Variants in IL13RA1 observed in about 807,000 individuals in gnomAD.
IL13RA1 encodes the protein interleukin 13 receptor subunit alpha 1.
A neutral mutation model predicts 33.8 loss-of-function variants in IL13RA1; 14 were observed. The observed-to-expected ratio is 0.41, with a 90% CI of 0.27 to 0.65. The LOEUF is 0.65. Ranked by LOEUF, IL13RA1 falls within the 30% of genes least tolerant of loss-of-function variation. The pLI is 0.28. For synonymous variants in IL13RA1, 116 were observed against 115.7 expected (o/e 1.00, Z -0.02); for missense variants, 313 against 327.0 (o/e 0.96, Z 0.33).
the IL13RA1 span, among the ~76,000 whole-genome samples, chrX:118,800,297 A>G: frequency 3.7e-5 from 4 of 107,847 alleles, no homozygotes; most frequent in Non-Finnish European, 5.8e-5. Context: ...CACTTCTTTC[A>G]CTCTTTGCAA....
In IL13RA1 at chrX:118,738,401, GTC is replaced by G. The variant is rs1166020601; in HGVS notation, c.89-2614_89-2613del. Among the ~76,000 whole-genome samples the G allele has an allele frequency of 2.0e-3, 225 of 111,266 alleles. 3 individuals carry two copies. Among genetic ancestry groups the G allele is most frequent in the African/African-American group, 7.2e-3 (219 of 30,615 alleles). Reference sequence around the variant, plus strand: ...CCTCCCTTGTCTAGTGATCCCCAGTGTCTATCATTTCCATCTTTATGATCATG... The same window carrying G: ...CCTCCCTTGTCTAGTGATCCCCAGTGTATCATTTCCATCTTTATGATCATG... On this transcript the variant is annotated intron_variant, in intron 1 of 10. Transcript: ENST00000371666.
downstream of IL13RA1, among the ~76,000 whole-genome samples, chrX:118,799,526 ACT>A (rs1328638371): frequency 2.5e-4 from 28 of 110,536 alleles, no homozygotes; most frequent in African/African-American, 7.9e-4. Context: ...ACCAATCGAC[ACT>A]CTGTATCTAG....
At chrX:118,746,667 G>T (rs1167734689) in intron 2 of IL13RA1, among the ~76,000 whole-genome samples, 1 of 110,312 alleles carries the variant, frequency 9.1e-6, no homozygotes. Context: ...TGTAGGAGGA[G>T]GGGGGCTGTT....
Position 118,729,897 on chromosome X carries a change from G to T in IL13RA1, c.88+2171G>T, listed in dbSNP as rs193103461. 6.2e-5 allele frequency among the ~76,000 whole-genome samples: 7 copies of T among 112,213 alleles called. No individual in the cohort carries two copies. The East Asian group carries it at 1.7e-3, about 27-fold the overall frequency. ...CATGCCCTTAACCACTGTACTCATT[G>T]CTTCTGCCCAGCAGAAAAGACGAGA... is the stretch of plus-strand genomic sequence containing the variant. On this transcript the variant is annotated intron_variant, in intron 1 of 10. Transcript: ENST00000371666.
intron 10 of IL13RA1, among the ~76,000 whole-genome samples, chrX:118,790,769 C>A (rs1221170519): frequency 1.8e-5 from 2 of 112,043 alleles, no homozygotes; most frequent in Non-Finnish European, 3.8e-5. Context: ...TTAACTTGCC[C>A]AGTCCATCTT....
intron 4 of IL13RA1, among the ~76,000 whole-genome samples, chrX:118,751,086 T>A (rs1270469803): frequency 8.9e-6 from 1 of 112,047 alleles, no homozygotes; most frequent in Non-Finnish European, 1.9e-5. Flanking sequence ...GGATTACAGG[T>A]GTGAGCCACC....
At chrX:118,760,049 A>C (rs887093367) in intron 5 of IL13RA1, among the ~76,000 whole-genome samples, 2 of 112,206 alleles carry the variant, frequency 1.8e-5, no homozygotes, top group Non-Finnish European at 3.8e-5. Context: ...TTTACTCTTA[A>C]TTGTGGTTAT....
chrX:118,758,734 A>C (rs2017560123), intron 5 of IL13RA1: 1 of 111,930 alleles, frequency 8.9e-6, no homozygotes. Context: ...GGAGTTGAGC[A>C]TGCTAGCTCA....
intron 1 of IL13RA1, among the ~76,000 whole-genome samples, chrX:118,739,276 A>C (rs2017316894): frequency 8.9e-6 from 1 of 112,101 alleles, no homozygotes; most frequent in Non-Finnish European, 1.9e-5. Context: ...CTGACCAAGT[A>C]GCTGCTATGT....
At chrX:118,754,931 GTCTT>G (rs2017510812) in intron 4 of IL13RA1, among the ~76,000 whole-genome samples, 1 of 103,577 alleles carries the variant, frequency 9.7e-6, no homozygotes, top group South Asian at 4.4e-4. Flanking sequence ...AAAATACGGA[GTCTT>G]TCTTTTTTTT....
chrX:118,757,319 G>C (rs181426552), intron 4 of IL13RA1, among the ~76,000 whole-genome samples: 1 of 110,482 alleles, frequency 9.1e-6, no homozygotes, highest in African/African-American at 3.3e-5. Context: ...ATCACTTGTG[G>C]TCAGGAGTTC....
chrX:118,751,900 C>CAAA (rs34902050), intron 4 of IL13RA1, among the ~76,000 whole-genome samples: 9,790 of 48,704 alleles, frequency 0.2, 860 homozygotes, highest in East Asian at 0.41. Flanking sequence ...GAATAGAATG[C>CAAA]AAAAAAAAAA....
chrX:118,746,335 G>C (rs1002801019), intron 2 of IL13RA1, among the ~76,000 whole-genome samples: 1 of 110,625 alleles, frequency 9.0e-6, no homozygotes, highest in African/African-American at 3.3e-5. Flanking sequence ...GGCTGGTCTC[G>C]AACTCCTGGG....
At chrX:118,751,380 A>G (rs915859506) in intron 4 of IL13RA1, among the ~76,000 whole-genome samples, 3 of 112,058 alleles carry the variant, frequency 2.7e-5, no homozygotes, top group African/African-American at 9.7e-5. Context: ...TTCTCTCCTA[A>G]AGCTCAAAAT....
chrX:118,790,496 TAC>T (rs2017964086), intron 10 of IL13RA1, among the ~76,000 whole-genome samples: 1 of 111,994 alleles, frequency 8.9e-6, no homozygotes, highest in Non-Finnish European at 1.9e-5. Flanking sequence ...CTTGGGTAAA[TAC>T]CTGGGAGTGG....
At chrX:118,729,440 T>C (rs1455612355) in intron 1 of IL13RA1, among the ~76,000 whole-genome samples, 1 of 112,374 alleles carries the variant, frequency 8.9e-6, no homozygotes, top group Non-Finnish European at 1.9e-5. Context: ...GGTTCTGATA[T>C]TTACCACCTG....
chrX:118,779,315 C>T (rs1027141597), intron 10 of IL13RA1, among the ~76,000 whole-genome samples: 13 of 110,971 alleles, frequency 1.2e-4, no homozygotes, highest in Admixed American at 1.9e-4. Flanking sequence ...GTGGTCAATG[C>T]GGCATTTGCT....
In IL13RA1 at chrX:118,732,518, A is replaced by G. The variant is rs770682130; in HGVS notation, c.88+4792A>G. On this transcript the variant is annotated intron_variant, in intron 1 of 10. Transcript: ENST00000371666. ...TGCTGCACCCATTAACTCGTCATTTACATTAGGTATATCTCCTAATGCTAT... is the reference window on the plus strand; with the variant it reads ...TGCTGCACCCATTAACTCGTCATTTGCATTAGGTATATCTCCTAATGCTAT... 2.7e-5 allele frequency among the ~76,000 whole-genome samples: 3 copies of G among 110,233 alleles called. No individual in the cohort carries two copies. In the Admixed American group the frequency reaches 2.9e-4, roughly 11 times the overall value.
intron 10 of IL13RA1, among the ~76,000 whole-genome samples, chrX:118,778,193 T>G (rs376045895): frequency 8.9e-6 from 1 of 112,218 alleles, no homozygotes; most frequent in Non-Finnish European, 1.9e-5. Context: ...AATAATTTAT[T>G]TTTATCTTTA....
Sources: allele counts gnomAD v4.1 joint callset (sites outside exome capture counted in the v4.1 genomes callset), GRCh38; gene constraint gnomAD v4.1.1; transcripts MANE v1.5; gene names NCBI Gene and HGNC (gene_info 2026-07-23, HGNC 2026-07-21).